Variants in LOC122539214 observed in about 807,000 individuals in gnomAD.
chr19:52,674,227 T>C, the LOC122539214 span: 19,948 of 152,046 alleles, frequency 0.13, 1,395 homozygotes, highest in African/African-American at 0.14. Flanking sequence ...TGTGAAGACT[T>C]AGGACCATCC....
the LOC122539214 span, chr19:52,652,956 C>G: frequency 2.4e-6 from 3 of 1,269,944 alleles, no homozygotes; most frequent in Admixed American, 1.7e-5. Flanking sequence ...GACTGAAGGT[C>G]TTGCCACACT....
At chr19:52,676,315 T>C in the LOC122539214 span, among the ~76,000 whole-genome samples, 1 of 152,180 alleles carries the variant, frequency 6.6e-6, no homozygotes, top group Non-Finnish European at 1.5e-5. Flanking sequence ...TGCAGTGGCC[T>C]GATCTCGGCT....
the LOC122539214 span, among the ~76,000 whole-genome samples, chr19:52,678,099 G>C: frequency 2.0e-5 from 3 of 151,788 alleles, no homozygotes; most frequent in Non-Finnish European, 4.4e-5. Flanking sequence ...CTACATGTGT[G>C]ATTGGTCAAA....
chr19:52,682,742 T>C, the LOC122539214 span, among the ~76,000 whole-genome samples: 2 of 152,136 alleles, frequency 1.3e-5, no homozygotes, highest in Non-Finnish European at 2.9e-5. Context: ...TGGTGACACA[T>C]GCCTATCCTT....
chr19:52,680,770 GC>G, the LOC122539214 span, among the ~76,000 whole-genome samples: 1 of 141,242 alleles, frequency 7.1e-6, no homozygotes, highest in Non-Finnish European at 1.5e-5. Context: ...CCGCCACTAC[GC>G]CCGGCTAATT....
At chr19:52,676,327 A>G in the LOC122539214 span, among the ~76,000 whole-genome samples, 32,497 of 151,636 alleles carry the variant, frequency 0.21, 3,624 homozygotes, top group Non-Finnish European at 0.24. Context: ...ATCTCGGCTC[A>G]CTACAACCTC....
At chr19:52,681,163 T>C in the LOC122539214 span, among the ~76,000 whole-genome samples, 3 of 149,152 alleles carry the variant, frequency 2.0e-5, no homozygotes, top group African/African-American at 7.4e-5. Context: ...CAGGCACCTG[T>C]AATCCCAGCT....
At chr19:52,678,569 T>G in the LOC122539214 span, among the ~76,000 whole-genome samples, 31 of 152,092 alleles carry the variant, frequency 2.0e-4, no homozygotes, top group African/African-American at 7.3e-4. Context: ...CCCTGGACTT[T>G]TAAACACAAT....
chr19:52,658,980 G>A, the LOC122539214 span, among the ~76,000 whole-genome samples: 3 of 152,180 alleles, frequency 2.0e-5, no homozygotes, highest in Admixed American at 1.3e-4. Flanking sequence ...GCTGCTCAGG[G>A]CCGGCTCTTG....
chr19:52,653,379 G>A, the LOC122539214 span: 1 of 1,051,802 alleles, frequency 9.5e-7, no homozygotes, highest in Non-Finnish European at 1.4e-6. Context: ...GGAAAACCTT[G>A]CCACATTCAT....
chr19:52,651,396 G>A, the LOC122539214 span: 1 of 152,202 alleles, frequency 6.6e-6, no homozygotes, highest in Admixed American at 6.5e-5. Context: ...AAATTCTTGA[G>A]GAGGTGTTAG....
At chr19:52,672,920 T>C in the LOC122539214 span, among the ~76,000 whole-genome samples, 4 of 151,998 alleles carry the variant, frequency 2.6e-5, no homozygotes, top group Non-Finnish European at 4.4e-5. Context: ...TAGAACATGA[T>C]AATGGGTACA....
the LOC122539214 span, among the ~76,000 whole-genome samples, chr19:52,655,991 A>G: frequency 1.7e-4 from 26 of 152,018 alleles, no homozygotes; most frequent in Admixed American, 7.2e-4. Context: ...TGGGTGTATC[A>G]ACTGAGCTCA....
the LOC122539214 span, among the ~76,000 whole-genome samples, chr19:52,689,261 A>T: frequency 6.6e-6 from 1 of 152,116 alleles, no homozygotes; most frequent in African/African-American, 2.4e-5. Flanking sequence ...ACCTAAAATA[A>T]ACAATTCTGT....
the LOC122539214 span, among the ~76,000 whole-genome samples, chr19:52,666,737 C>T: frequency 6.6e-6 from 1 of 151,856 alleles, no homozygotes; most frequent in African/African-American, 2.4e-5. Context: ...ATTCCATTAA[C>T]CCAGCAGGTT....
At chr19:52,678,191 G>A in the LOC122539214 span, among the ~76,000 whole-genome samples, 2 of 152,026 alleles carry the variant, frequency 1.3e-5, no homozygotes, top group African/African-American at 4.8e-5. Flanking sequence ...GGTGGCTCAA[G>A]CCTGTAATCC....
chr19:52,683,992 G>A, the LOC122539214 span, among the ~76,000 whole-genome samples: 1 of 152,114 alleles, frequency 6.6e-6, no homozygotes, highest in Non-Finnish European at 1.5e-5. Flanking sequence ...CCAGTACACC[G>A]GGAGACCAAG....
the LOC122539214 span, among the ~76,000 whole-genome samples, chr19:52,666,119 G>A: frequency 2.8e-5 from 4 of 143,198 alleles, no homozygotes; most frequent in South Asian, 2.2e-4. Flanking sequence ...AGCCAAGATC[G>A]CACCACTGCA....
chr19:52,654,058 T>G, the LOC122539214 span: 1 of 1,591,988 alleles, frequency 6.3e-7, no homozygotes, highest in Admixed American at 1.7e-5. Context: ...CTTCTCCACT[T>G]GATTATCAAT....
Sources: allele counts gnomAD v4.1 joint callset (sites outside exome capture counted in the v4.1 genomes callset), GRCh38; gene constraint gnomAD v4.1.1; transcripts MANE v1.5.